Variants in ELSPBP1 observed in about 807,000 individuals in gnomAD.
The protein encoded by ELSPBP1 is epididymal sperm-binding protein 1.
Under a neutral mutation model 33.3 loss-of-function variants are expected in ELSPBP1, and 38 were observed. The observed-to-expected ratio is 1.14, with a 90% CI of 0.88 to 1.50. The LOEUF is 1.50. Among genes scored for constraint, ELSPBP1 ranks in the 40% most tolerant of loss-of-function variants. The pLI is 0.00. For synonymous variants in ELSPBP1, 85 were observed against 94.1 expected, an observed-to-expected ratio of 0.90 and a Z score of 0.56; for missense variants, 267 against 263.5, an observed-to-expected ratio of 1.01 and a Z score of -0.09.
At chr19:48,015,532 T>C (rs998318769) in intron 3 of ELSPBP1, among the ~76,000 whole-genome samples, 7 of 151,922 alleles carry the variant, frequency 4.6e-5, no homozygotes, top group African/African-American at 1.2e-4. Flanking sequence ...GTGGCAGGCA[T>C]CTGTAATCCC....
In ELSPBP1 at chr19:48,019,861, T is replaced by A. The variant is rs61730507; in HGVS notation, c.498T>A (p.Ser166Arg). Reference sequence around the variant, plus strand: ...ACATGGATAAGGATGGAAAGTGGAGTTTCTGTGCCGACACCAGTAATCTGG... The same window carrying A: ...ACATGGATAAGGATGGAAAGTGGAGATTCTGTGCCGACACCAGTAATCTGG... Reference protein sequence around the residue: ...TENMDKDGKWSFCADTRISAL... With the variant: ...TENMDKDGKWRFCADTRISAL... The change falls in exon 5 of 7, where the codon AGT becomes AGA. Residue 166 changes from serine (S) to arginine (R), a missense_variant. Transcript: ENST00000339841. 358 of 1,611,376 alleles carry A rather than the reference T, an allele frequency of 2.2e-4. 2 individuals carry two copies. The African/African-American group carries it at 4.5e-3, about 20-fold the overall frequency.
chr19:48,020,781 CT>C (rs537107774), intron 5 of ELSPBP1, among the ~76,000 whole-genome samples: 243 of 152,200 alleles, frequency 1.6e-3, no homozygotes, highest in African/African-American at 4.2e-3. Flanking sequence ...GTCCTACACT[CT>C]TGATAGCTTC....
intron 4 of ELSPBP1, 137 bp downstream of exon 4, chr19:48,016,176 G>A (rs1600109425): frequency 9.7e-7 from 1 of 1,028,176 alleles, no homozygotes; most frequent in East Asian, 2.4e-5. Flanking sequence ...TGTCTGCTCA[G>A]AGAGTTCGCT....
intron 6 of ELSPBP1, among the ~76,000 whole-genome samples, chr19:48,024,583 G>A (rs544628880): frequency 3.5e-4 from 53 of 152,278 alleles, no homozygotes; most frequent in African/African-American, 1.2e-3. Context: ...AGGGAAAGGA[G>A]GGGGTTTGGA....
At chr19:47,995,210 G>A (rs1479255700) in intron 1 of ELSPBP1, among the ~76,000 whole-genome samples, 1 of 152,176 alleles carries the variant, frequency 6.6e-6, no homozygotes, top group Non-Finnish European at 1.5e-5. Context: ...GGTTCTGGAA[G>A]GGGACAGCCA....
chr19:48,022,019 A>T (rs1460299266), intron 5 of ELSPBP1, 151 bp from the exon 6 acceptor site: 2 of 677,112 alleles, frequency 3.0e-6, no homozygotes, highest in African/African-American at 3.6e-5. Flanking sequence ...CTGAGCTGGG[A>T]TTAAATGCGC....
intron 1 of ELSPBP1, among the ~76,000 whole-genome samples, chr19:48,005,190 A>C (rs538126957): frequency 6.6e-6 from 1 of 151,606 alleles, no homozygotes; most frequent in East Asian, 1.9e-4. Context: ...GTGACAGAGC[A>C]AGACCCTGTC....
At position 48,011,599 on chromosome 19, in the gene ELSPBP1, G is replaced by A. The variant is rs1799056812; in HGVS notation, c.71-2572G>A. Among the ~76,000 whole-genome samples the A allele has an allele frequency of 6.9e-6, 1 of 144,864 alleles. No homozygotes were observed. Among genetic ancestry groups the A allele is most frequent in the African/African-American group, 2.6e-5 (1 of 38,556 alleles). ...CACATGATAATGACAATAATGAGGT[G>A]GATTATGATGACAATGATGATGACA... On this transcript the variant is annotated intron_variant, in intron 2 of 6. Coordinates refer to ENST00000339841, the MANE Select transcript of ELSPBP1 (RefSeq NM_022142.5). The surrounding 1 kb of genome is among the most constrained non-coding windows in gnomAD (Gnocchi z 4.5).
At chr19:48,019,949 A>G in intron 5 of ELSPBP1, 72 bp downstream of exon 5, 8 of 1,513,150 alleles carry the variant, frequency 5.3e-6, no homozygotes, top group Non-Finnish European at 7.1e-6. Context: ...ACACCTCCTG[A>G]AACCCCACTG....
chr19:48,014,209 G>C lies in ELSPBP1; in HGVS notation c.109G>C (p.Gly37Arg). ...EECVFPFTYK[G>R]SVYFTCTHIH... ...ATGTGTCTTTCCTTTCACCTACAAG[G>C]GATCTGTTTACTTCACTTGCACCCA... Residue 37 changes from glycine to arginine, a missense_variant, in exon 3 of 7, where the codon GGA becomes CGA. Physicochemically the swap from Gly to Arg is moderately radical, Grantham distance 125. Transcript: ENST00000339841. The C allele has an allele frequency of 6.2e-7, 1 of 1,613,876 alleles. No homozygotes were observed. Among genetic ancestry groups the C allele is most frequent in the Non-Finnish European group, 8.5e-7 (1 of 1,179,926 alleles).
chr19:48,016,066 G>C (rs2122323736), intron 4 of ELSPBP1, 27 bp downstream of exon 4: 1 of 1,610,192 alleles, frequency 6.2e-7, no homozygotes, highest in Non-Finnish European at 8.5e-7. Flanking sequence ...GGGATGGGAT[G>C]TGTGGTGGGA....
At position 48,014,224 on chromosome 19, in the gene ELSPBP1, A is replaced by G; in HGVS notation, c.124A>G (p.Thr42Ala). Reference sequence around the variant, plus strand: ...CACCTACAAGGGATCTGTTTACTTCACTTGCACCCATATTCATAGCTTATC... The same window carrying G: ...CACCTACAAGGGATCTGTTTACTTCGCTTGCACCCATATTCATAGCTTATC... ...PFTYKGSVYF[T>A]CTHIHSLSPW... Residue 42 changes from threonine (T) to alanine (A), a missense_variant, in exon 3 of 7, where the codon ACT becomes GCT. Transcript: ENST00000339841. The G allele has an allele frequency of 6.2e-7, 1 of 1,613,840 alleles. No individual in the cohort carries two copies. The highest frequency in any genetic ancestry group is 8.5e-7 in the Non-Finnish European group (1 of 1,179,930).
chr19:48,002,505 C>A (rs983828571), intron 1 of ELSPBP1, among the ~76,000 whole-genome samples: 1 of 152,110 alleles, frequency 6.6e-6, no homozygotes, highest in Non-Finnish European at 1.5e-5. Flanking sequence ...AAACATCTCG[C>A]TTGGGCCGGG....
chr19:48,009,360 C>T (rs573233030), intron 2 of ELSPBP1, among the ~76,000 whole-genome samples: 2 of 152,236 alleles, frequency 1.3e-5, no homozygotes, highest in East Asian at 3.9e-4. Context: ...GGGTAAAAGG[C>T]AGGCTATATA....
intron 1 of ELSPBP1, among the ~76,000 whole-genome samples, chr19:48,003,394 G>T (rs2122295294): frequency 6.6e-6 from 1 of 152,274 alleles, no homozygotes; most frequent in South Asian, 2.1e-4. Flanking sequence ...AGGCCTTGAG[G>T]TGGCTTCTGC....
At chr19:48,005,549 C>T (rs1179388493) in intron 1 of ELSPBP1, among the ~76,000 whole-genome samples, 1 of 152,146 alleles carries the variant, frequency 6.6e-6, no homozygotes, top group Non-Finnish European at 1.5e-5. Context: ...TGTATCTCAA[C>T]AGCCAAAGCT....
chr19:47,999,135 T>C (rs969104598), intron 1 of ELSPBP1, among the ~76,000 whole-genome samples: 4 of 152,248 alleles, frequency 2.6e-5, no homozygotes, highest in Non-Finnish European at 5.9e-5. Flanking sequence ...AGGCCTTCCC[T>C]GACCACCAAA....
At chr19:48,019,940 C>A (rs2303691) in intron 5 of ELSPBP1, 63 bp downstream of exon 5, 823,289 of 1,548,066 alleles carry the variant, frequency 0.53, 222,463 homozygotes, top group East Asian at 0.78. Flanking sequence ...GCTCAACAAA[C>A]ACCTCCTGAA....
At chr19:48,023,553 G>A (rs1365721621) in intron 6 of ELSPBP1, among the ~76,000 whole-genome samples, 1 of 76,930 alleles carries the variant, frequency 1.3e-5, no homozygotes, top group Non-Finnish European at 3.2e-5. Context: ...GGAAGAAAAG[G>A]GAAGGGAAAG....
Sources: allele counts gnomAD v4.1 joint callset (sites outside exome capture counted in the v4.1 genomes callset), GRCh38; gene constraint gnomAD v4.1.1; non-coding constraint Gnocchi (gnomAD v3.1); transcripts MANE v1.5; gene names NCBI Gene and HGNC (gene_info 2026-07-23, HGNC 2026-07-21).